Variants in SLC6A11 observed in about 807,000 individuals in gnomAD.
SLC6A11 encodes solute carrier family 6 member 11, also known as sodium- and chloride-dependent GABA transporter 3.
In SLC6A11, 25 loss-of-function variants were observed where a neutral mutation model predicts 74.8. The ratio of observed to expected loss-of-function variants is 0.33; its 90% CI spans 0.24 to 0.47. The LOEUF (loss-of-function observed/expected upper bound fraction) is 0.47. SLC6A11 is among the 20% of genes least tolerant of loss of function. The probability of loss-of-function intolerance (pLI) is 1.00; values close to 1 mark genes in which losing one functional copy is unlikely to be tolerated. For missense variants in SLC6A11, 574 were observed against 837.0 expected (o/e 0.69, Z 3.88); for synonymous variants, 330 against 330.2 (o/e 1.00, Z 0.01).
intron 6 of SLC6A11, among the ~76,000 whole-genome samples, chr3:10,895,582 A>G (rs1695160615): frequency 6.6e-6 from 1 of 152,184 alleles, no homozygotes; most frequent in African/African-American, 2.4e-5. Context: ...AAAACAACAC[A>G]CACTGGGGCC....
Position 10,816,551 on chromosome 3 carries a change from G to C in SLC6A11, c.256+30G>C, listed in dbSNP as rs770775014. 6.5e-7 allele frequency: 1 copy of C among 1,539,244 alleles called. No individual in the cohort carries two copies. The highest frequency in any genetic ancestry group is 8.8e-7 in the Non-Finnish European group (1 of 1,141,806). The stretch of plus-strand genomic sequence containing the variant: ...GGTGATAGTGAGGAGAAGGGGAGGG[G>C]GCGCCAACCGCCCGGTGGGGGCGGG... On this transcript the variant is annotated intron_variant, in intron 1 of 13. Coordinates refer to ENST00000254488, the MANE Select transcript of SLC6A11 (RefSeq NM_014229.3). This position sits in a 1 kb window ranked among gnomAD's most constrained non-coding sequence, Gnocchi z 4.2.
chr3:10,876,732 GCCCCGCCCCCCCCC>G lies in SLC6A11; in HGVS notation c.891+1647_891+1660del, dbSNP rs1316849695. ...TCCAGGTGGCACCTACACCTTAAACGCCCCGCCCCCCCCCCCCCGCCCCACCTCCCACACAGAGA... is the reference window on the plus strand; with the variant it reads ...TCCAGGTGGCACCTACACCTTAAACGCCCCGCCCCACCTCCCACACAGAGA... On this transcript the variant is annotated intron_variant, in intron 6 of 13. Transcript: ENST00000254488. 5.5e-4 allele frequency among the ~76,000 whole-genome samples: 11 copies of G among 19,964 alleles called. 1 individual carries two copies. The highest frequency in any genetic ancestry group is 9.3e-4 in the Non-Finnish European group (9 of 9,678). 13.1% of individuals were successfully genotyped at this position (19,964 alleles called of 152,430 possible). A position where few individuals can be genotyped will look rare whatever the true frequency, so the allele number is the denominator to read the frequency against.
chr3:10,867,963 T>G (rs1694784937), intron 5 of SLC6A11, among the ~76,000 whole-genome samples: 1 of 152,218 alleles, frequency 6.6e-6, no homozygotes, highest in Admixed American at 6.5e-5. Context: ...TTTCTGTTTA[T>G]GGTGGTAATT....
chr3:10,933,793 G>T (rs1489310971), intron 11 of SLC6A11, among the ~76,000 whole-genome samples: 1 of 152,162 alleles, frequency 6.6e-6, no homozygotes, highest in East Asian at 1.9e-4. Flanking sequence ...CCTCCAAAGG[G>T]ATCACCTTCC....
intron 5 of SLC6A11, among the ~76,000 whole-genome samples, chr3:10,874,407 G>A (rs1409240956): frequency 2.6e-5 from 4 of 152,152 alleles, no homozygotes; most frequent in Admixed American, 2.0e-4. Context: ...AGGACAGGCC[G>A]TGTTAGGGGT....
At chr3:10,845,312 A>G (rs546486852) in intron 5 of SLC6A11, among the ~76,000 whole-genome samples, 14 of 152,234 alleles carry the variant, frequency 9.2e-5, no homozygotes, top group African/African-American at 2.9e-4. Context: ...AGTCCCCACC[A>G]TTCCATATCA....
chr3:10,918,398 C>G lies in SLC6A11; in HGVS notation c.1065C>G (p.Val355=). Residue 355 remains valine (V), a synonymous_variant, in exon 8 of 14, where the codon GTC becomes GTG. Transcript: ENST00000254488. This position sits in a 1 kb window ranked among gnomAD's most constrained non-coding sequence, Gnocchi z 4.5. ...SFVAGFAIFS[V]LGFMAYEQGV... ...TGGCTGGGTTTGCCATCTTCTCAGT[C>G]CTGGGTTTTATGGCGTACGAGCAGG... The G allele has an allele frequency of 1.2e-6, 2 of 1,609,376 alleles. No individual in the cohort carries two copies. Among genetic ancestry groups the G allele is most frequent in the South Asian group, 2.2e-5 (2 of 90,456 alleles).
At chr3:10,884,134 T>C (rs1387030553) in intron 6 of SLC6A11, among the ~76,000 whole-genome samples, 1 of 152,212 alleles carries the variant, frequency 6.6e-6, no homozygotes, top group African/African-American at 2.4e-5. Flanking sequence ...GATGCATCAC[T>C]GATCTAACAT....
At chr3:10,834,226 C>T (rs1378269434) in intron 4 of SLC6A11, among the ~76,000 whole-genome samples, 1 of 152,240 alleles carries the variant, frequency 6.6e-6, no homozygotes, top group Non-Finnish European at 1.5e-5. Context: ...CCGTTCCAGG[C>T]TTCTTCCTGT....
At chr3:10,881,931 A>G (rs924627292) in intron 6 of SLC6A11, among the ~76,000 whole-genome samples, 1 of 152,118 alleles carries the variant, frequency 6.6e-6, no homozygotes, top group Non-Finnish European at 1.5e-5. Flanking sequence ...TTACATTTCT[A>G]AAGGGGACAC....
intron 4 of SLC6A11, among the ~76,000 whole-genome samples, chr3:10,834,866 T>C (rs894111319): frequency 1.3e-5 from 2 of 152,182 alleles, no homozygotes; most frequent in Admixed American, 1.3e-4. Flanking sequence ...ACATTGCTGG[T>C]CAGCAGTAGC....
At chr3:10,872,283 G>A (rs1694836856) in intron 5 of SLC6A11, among the ~76,000 whole-genome samples, 1 of 152,170 alleles carries the variant, frequency 6.6e-6, no homozygotes. Context: ...AGATAATCAT[G>A]CCTACTCATT....
At chr3:10,907,144 A>G (rs373985112) in intron 6 of SLC6A11, among the ~76,000 whole-genome samples, 29 of 152,358 alleles carry the variant, frequency 1.9e-4, no homozygotes, top group African/African-American at 6.0e-4. Context: ...ATAAACCAAT[A>G]GACACTATGA....
chr3:10,936,819 C>A (rs1695764889), intron 13 of SLC6A11, among the ~76,000 whole-genome samples: 2 of 152,220 alleles, frequency 1.3e-5, no homozygotes, highest in Admixed American at 6.5e-5. Context: ...CCTGCTAAAT[C>A]CTCCAGAGAT....
At chr3:10,934,216 C>T (rs763343196) in intron 12 of SLC6A11, 50 bp downstream of exon 12, 2 of 1,290,564 alleles carry the variant, frequency 1.5e-6, no homozygotes, top group Admixed American at 3.4e-5. Context: ...ACCCATCTAC[C>T]CTCCAACCCA....
intron 8 of SLC6A11, among the ~76,000 whole-genome samples, chr3:10,920,263 T>C (rs1424381883): frequency 6.6e-6 from 1 of 152,126 alleles, no homozygotes; most frequent in Admixed American, 6.5e-5. Context: ...CTTATTCAAA[T>C]TGAAAGAATA....
intron 5 of SLC6A11, among the ~76,000 whole-genome samples, chr3:10,851,148 C>T (rs1295950045): frequency 2.6e-5 from 4 of 152,038 alleles, no homozygotes; most frequent in Non-Finnish European, 4.4e-5. Flanking sequence ...GCTCTCCCTA[C>T]TGCCTGGTTC....
chr3:10,834,292 G>A (rs991390548), intron 4 of SLC6A11, among the ~76,000 whole-genome samples: 1 of 151,692 alleles, frequency 6.6e-6, no homozygotes. Flanking sequence ...GGACTGCTGT[G>A]TGCTGCCTCT....
chr3:10,900,019 G>A (rs922631888), intron 6 of SLC6A11, among the ~76,000 whole-genome samples: 6 of 152,222 alleles, frequency 3.9e-5, no homozygotes, highest in Admixed American at 3.9e-4. Flanking sequence ...TACACTGAAG[G>A]CAGAAGAGTG....
Sources: gnomAD v4.1 joint callset for allele counts (sites outside exome capture counted in the v4.1 genomes callset) on GRCh38, gnomAD v4.1.1 for gene constraint, Gnocchi (gnomAD v3.1) non-coding constraint, MANE v1.5 for transcripts, NCBI Gene and HGNC (gene_info 2026-07-23, HGNC 2026-07-21) for gene names.